Variants in PDE3A observed in about 807,000 individuals in gnomAD.
PDE3A encodes phosphodiesterase 3A, also known as cGMP-inhibited 3',5'-cyclic phosphodiesterase 3A.
Under a neutral mutation model 98.3 loss-of-function variants are expected in PDE3A, and 43 were observed. The ratio of observed to expected loss-of-function variants is 0.44; its 90% CI spans 0.34 to 0.56. PDE3A has a LOEUF of 0.56. Among genes scored for constraint, PDE3A ranks in the 20% least tolerant of loss-of-function variants. The pLI is 0.01. For missense variants in PDE3A, 1,427 were observed against 1,440.7 expected (o/e 0.99, Z 0.15); for synonymous variants, 663 against 567.9 (o/e 1.17, Z -2.38).
chr12:20,416,199 G>A (rs1944419081), intron 1 of PDE3A, among the ~76,000 whole-genome samples: 1 of 152,322 alleles, frequency 6.6e-6, no homozygotes, highest in Admixed American at 6.5e-5. Flanking sequence ...TGAAATTGGA[G>A]TGGTCATGGA....
intron 1 of PDE3A, among the ~76,000 whole-genome samples, chr12:20,414,363 C>T (rs1006529678): frequency 1.3e-5 from 2 of 152,100 alleles, no homozygotes; most frequent in African/African-American, 4.8e-5. Context: ...AGGAAAAAGT[C>T]TTGTACATCA....
chr12:20,545,847 T>C (rs1258149049), intron 1 of PDE3A, among the ~76,000 whole-genome samples: 1 of 151,534 alleles, frequency 6.6e-6, no homozygotes, highest in Non-Finnish European at 1.5e-5. Flanking sequence ...TGGAGAGATA[T>C]CGAATGGATA....
chr12:20,425,502 T>C (rs920795989), intron 1 of PDE3A, among the ~76,000 whole-genome samples: 1 of 152,188 alleles, frequency 6.6e-6, no homozygotes, highest in African/African-American at 2.4e-5. Context: ...AATAAATACA[T>C]TTATAAAATT....
At chr12:20,553,744 G>T (rs1455077607) in intron 1 of PDE3A, among the ~76,000 whole-genome samples, 2 of 152,240 alleles carry the variant, frequency 1.3e-5, no homozygotes, top group African/African-American at 4.8e-5. Context: ...CGACGAAGGC[G>T]GCCACGGACG....
intron 15 of PDE3A, among the ~76,000 whole-genome samples, chr12:20,669,819 A>C (rs1353033957): frequency 6.6e-6 from 1 of 152,130 alleles, no homozygotes; most frequent in East Asian, 1.9e-4. Flanking sequence ...AGCTAACATC[A>C]TAATGACAGG....
chr12:20,511,413 C>A (rs1227352846), intron 1 of PDE3A, among the ~76,000 whole-genome samples: 1 of 97,950 alleles, frequency 1.0e-5, no homozygotes, highest in African/African-American at 3.5e-5. Flanking sequence ...AGGAAGTGCT[C>A]AAATACACAC....
intron 2 of PDE3A, among the ~76,000 whole-genome samples, chr12:20,604,179 A>AAAAT (rs1465933607): frequency 3.3e-5 from 5 of 151,738 alleles, no homozygotes; most frequent in Non-Finnish European, 7.4e-5. Context: ...AAGAAAGAAG[A>AAAAT]AAATAAAAAA....
intron 1 of PDE3A, among the ~76,000 whole-genome samples, chr12:20,430,326 A>C (rs1341782155): frequency 1.3e-5 from 2 of 152,236 alleles, no homozygotes; most frequent in South Asian, 2.1e-4. Context: ...TTTATTTTTC[A>C]TCCAGAAATA....
intron 1 of PDE3A, among the ~76,000 whole-genome samples, chr12:20,400,165 C>T (rs1565537206): frequency 2.0e-5 from 3 of 152,004 alleles, no homozygotes; most frequent in African/African-American, 2.4e-5. Context: ...ATTTTACCTT[C>T]TAGTAGTCTA....
intron 1 of PDE3A, among the ~76,000 whole-genome samples, chr12:20,378,635 C>T (rs1338176830): frequency 2.0e-5 from 3 of 151,674 alleles, no homozygotes; most frequent in Non-Finnish European, 4.4e-5. Context: ...AATGTGGATG[C>T]TGGCTCGCTT....
chr12:20,501,824 T>C (rs1047850512), intron 1 of PDE3A, among the ~76,000 whole-genome samples: 6 of 152,146 alleles, frequency 3.9e-5, no homozygotes, highest in Admixed American at 3.3e-4. Flanking sequence ...GCATCATGCT[T>C]TTGATGTATC....
intron 1 of PDE3A, among the ~76,000 whole-genome samples, chr12:20,453,983 A>G (rs915575814): frequency 2.6e-5 from 4 of 152,200 alleles, no homozygotes; most frequent in Non-Finnish European, 5.9e-5. Context: ...TTTCTCTGCA[A>G]TCTTGCAATT....
intron 15 of PDE3A, among the ~76,000 whole-genome samples, chr12:20,673,771 T>C (rs12371667): frequency 0.028 from 4,111 of 149,076 alleles, 76 homozygotes; most frequent in Non-Finnish European, 0.043. Flanking sequence ...GTGGGTGCAG[T>C]GCACCAGCAT....
intron 1 of PDE3A, among the ~76,000 whole-genome samples, chr12:20,446,456 A>T (rs1347546356): frequency 1.3e-5 from 2 of 152,180 alleles, no homozygotes; most frequent in Non-Finnish European, 2.9e-5. Flanking sequence ...GAGAAGGCTG[A>T]TCCTTAGAGG....
At chr12:20,461,364 A>G (rs2120927363) in intron 1 of PDE3A, among the ~76,000 whole-genome samples, 1 of 152,218 alleles carries the variant, frequency 6.6e-6, no homozygotes, top group East Asian at 1.9e-4. Context: ...TTAAGTAGTG[A>G]CATAAAGTTT....
intron 3 of PDE3A, among the ~76,000 whole-genome samples, chr12:20,613,937 T>C (rs1406172457): frequency 1.3e-5 from 2 of 152,176 alleles, no homozygotes; most frequent in Non-Finnish European, 2.9e-5. Context: ...TTATTTAATC[T>C]TTCATGTTAC....
chr12:20,455,857 A>G (rs1248648946), intron 1 of PDE3A, among the ~76,000 whole-genome samples: 1 of 152,168 alleles, frequency 6.6e-6, no homozygotes, highest in African/African-American at 2.4e-5. Context: ...TCTTGGGTCT[A>G]CGTGAACAGA....
chr12:20,495,815 A>T (rs1161091487), intron 1 of PDE3A, among the ~76,000 whole-genome samples: 2 of 152,186 alleles, frequency 1.3e-5, no homozygotes, highest in Non-Finnish European at 2.9e-5. Context: ...GTACCAATTT[A>T]CACTCCCACT....
At chr12:20,595,257 A>G (rs950706417) in intron 2 of PDE3A, among the ~76,000 whole-genome samples, 12 of 152,122 alleles carry the variant, frequency 7.9e-5, no homozygotes, top group Non-Finnish European at 1.8e-4. Context: ...GGCTGCTGGC[A>G]GCAACAAACT....
Sources: allele counts gnomAD v4.1 joint callset (sites outside exome capture counted in the v4.1 genomes callset), GRCh38; gene constraint gnomAD v4.1.1; transcripts MANE v1.5; gene names NCBI Gene and HGNC (gene_info 2026-07-23, HGNC 2026-07-21).